ASTN2: variants seen among roughly 807,000 people sequenced by gnomAD.
ASTN2 encodes the protein astrotactin 2.
In ASTN2, 54 loss-of-function variants were observed where a neutral mutation model predicts 139.8. The observed-to-expected ratio is 0.39, with a 90% confidence interval of 0.31 to 0.48. The LOEUF (loss-of-function observed/expected upper bound fraction) is 0.48. Ranked by LOEUF, ASTN2 falls within the 20% of genes least tolerant of loss-of-function variation. The pLI, the probability that ASTN2 is intolerant of heterozygous loss-of-function variation, is 0.95. For missense variants in ASTN2, 1,565 were observed against 1,725.1 expected (o/e 0.91, Z 1.64); for synonymous variants, 756 against 719.5 (o/e 1.05, Z -0.81).
intron 22 of ASTN2, among the ~76,000 whole-genome samples, chr9:116,439,392 G>GGTTA (rs1847771205): frequency 2.1e-5 from 3 of 140,004 alleles, no homozygotes; most frequent in South Asian, 6.4e-4. Context: ...AGTAGAGACG[G>GGTTA]GGTTTCACCG....
intron 13 of ASTN2, among the ~76,000 whole-genome samples, chr9:116,734,617 T>A (rs1275560474): frequency 1.3e-5 from 2 of 152,252 alleles, no homozygotes; most frequent in East Asian, 3.9e-4. Context: ...AGGAGGAAGA[T>A]GTTTATTACT....
chr9:117,083,723 T>A (rs1828488732), intron 5 of ASTN2, among the ~76,000 whole-genome samples: 1 of 152,152 alleles, frequency 6.6e-6, no homozygotes, highest in Non-Finnish European at 1.5e-5. Context: ...CAAGAGAGAC[T>A]GATTATTCCT....
At chr9:116,721,192 A>G (rs1828465191) in intron 16 of ASTN2, among the ~76,000 whole-genome samples, 2 of 152,210 alleles carry the variant, frequency 1.3e-5, no homozygotes, top group Non-Finnish European at 2.9e-5. Flanking sequence ...GCATATGGAA[A>G]AACTGATCTT....
intron 7 of ASTN2, among the ~76,000 whole-genome samples, chr9:117,001,923 A>G (rs1367858927): frequency 6.6e-6 from 1 of 152,200 alleles, no homozygotes; most frequent in Non-Finnish European, 1.5e-5. Context: ...GTGATTTCCC[A>G]TAACACTCAA....
intron 1 of ASTN2, among the ~76,000 whole-genome samples, chr9:117,312,874 A>C (rs1215061542): frequency 6.6e-6 from 1 of 151,934 alleles, no homozygotes; most frequent in Non-Finnish European, 1.5e-5. Flanking sequence ...GAAACCAACA[A>C]AACCGTAAAA....
intron 3 of ASTN2, among the ~76,000 whole-genome samples, chr9:117,147,888 A>T (rs1273400498): frequency 6.6e-6 from 1 of 151,928 alleles, no homozygotes; most frequent in Non-Finnish European, 1.5e-5. Context: ...TTGGCTGGAG[A>T]TGGGTATGTT....
intron 7 of ASTN2, among the ~76,000 whole-genome samples, chr9:116,988,532 GT>G (rs1427726291): frequency 3.9e-5 from 6 of 152,140 alleles, no homozygotes; most frequent in African/African-American, 1.4e-4. Flanking sequence ...TAACCACCCT[GT>G]GAAGCGGGTG....
chr9:116,910,400 C>T (rs1473918778), intron 10 of ASTN2, among the ~76,000 whole-genome samples: 1 of 152,196 alleles, frequency 6.6e-6, no homozygotes, highest in Non-Finnish European at 1.5e-5. Context: ...GTCATCTACC[C>T]ACTAGGTGCC....
At chr9:117,096,869 C>T (rs1051798976) in intron 4 of ASTN2, among the ~76,000 whole-genome samples, 1 of 152,140 alleles carries the variant, frequency 6.6e-6, no homozygotes, top group Non-Finnish European at 1.5e-5. Flanking sequence ...AGCAGAGGTA[C>T]CAGCTTGAGC....
At position 117,008,287 on chromosome 9, in the gene ASTN2, T is replaced by C. The variant is rs116508666; in HGVS notation, c.1424-28A>G. 1,298 of 1,550,620 alleles carry C rather than the reference T, an allele frequency of 8.4e-4. 11 individuals are homozygous for C. In the African/African-American group the frequency reaches 0.014, roughly 17 times the overall value. The stretch of plus-strand genomic sequence containing the variant: ...ATGGGTGAACGGAGAGACAGATACT[T>C]TCTTACTGATTTTAAGGTCTTAGCT... On this transcript the variant is annotated intron_variant, in intron 6 of 22. Transcript: ENST00000313400.
chr9:116,830,321 G>T (rs1212020315), intron 11 of ASTN2, among the ~76,000 whole-genome samples: 1 of 152,012 alleles, frequency 6.6e-6, no homozygotes, highest in Non-Finnish European at 1.5e-5. Flanking sequence ...CTATTAAAAA[G>T]TCAAAAAACA....
At chr9:116,612,604 T>G (rs7871810) in intron 19 of ASTN2, 19 of 151,938 alleles carry the variant, frequency 1.3e-4, no homozygotes, top group African/African-American at 4.1e-4. Context: ...ACTGAACAAC[T>G]TGCTCCTGAA....
chr9:117,388,477 T>G (rs1024285549), intron 1 of ASTN2, among the ~76,000 whole-genome samples: 1 of 152,204 alleles, frequency 6.6e-6, no homozygotes. Context: ...GATGAGACTG[T>G]GTGCTGGTTA....
intron 2 of ASTN2, among the ~76,000 whole-genome samples, chr9:117,252,233 G>A (rs773865113): frequency 8.5e-5 from 13 of 152,200 alleles, no homozygotes; most frequent in African/African-American, 1.2e-4. Flanking sequence ...GGATGCCCCC[G>A]AAAGTGAATT....
chr9:116,567,185 G>C (rs1312407616), intron 19 of ASTN2, among the ~76,000 whole-genome samples: 1 of 152,238 alleles, frequency 6.6e-6, no homozygotes, highest in African/African-American at 2.4e-5. Context: ...AGCACTGGCT[G>C]ATTTCCAACA....
Position 116,776,312 on chromosome 9 carries a change from A to C in ASTN2, c.2396+29320T>G, listed in dbSNP as rs1200604722. 2.6e-5 allele frequency among the ~76,000 whole-genome samples: 4 copies of C among 152,328 alleles called. No individual in the cohort carries two copies. In the East Asian group the frequency reaches 7.7e-4, roughly 29 times the overall value. On this transcript the variant is annotated intron_variant, in intron 13 of 22. Coordinates refer to ENST00000313400, the MANE Select transcript of ASTN2 (RefSeq NM_001365068.1). Reference sequence around the variant, plus strand: ...ATTAATAGAGTATGGAATTCCCACCAAGCATAGTGCTGAGTATAAAGCATT... The same window carrying C: ...ATTAATAGAGTATGGAATTCCCACCCAGCATAGTGCTGAGTATAAAGCATT...
intron 19 of ASTN2, among the ~76,000 whole-genome samples, chr9:116,530,238 T>C (rs1432952024): frequency 6.7e-6 from 1 of 148,984 alleles, no homozygotes; most frequent in Non-Finnish European, 1.5e-5. Context: ...TTAAGTGAAA[T>C]AAGCTAGGTA....
chr9:116,530,595 T>C (rs1035773898), intron 19 of ASTN2, among the ~76,000 whole-genome samples: 1 of 152,112 alleles, frequency 6.6e-6, no homozygotes, highest in Non-Finnish European at 1.5e-5. Context: ...ACCATAAATA[T>C]ATATAATTTC....
chr9:116,559,903 T>C (rs967854677), intron 19 of ASTN2, among the ~76,000 whole-genome samples: 1 of 152,196 alleles, frequency 6.6e-6, no homozygotes, highest in Non-Finnish European at 1.5e-5. Context: ...TCTTTCTTCT[T>C]AGTTTACTCT....
Sources: gnomAD v4.1 joint callset for allele counts (sites outside exome capture counted in the v4.1 genomes callset) on GRCh38, gnomAD v4.1.1 for gene constraint, MANE v1.5 for transcripts, NCBI Gene and HGNC (gene_info 2026-07-23, HGNC 2026-07-21) for gene names.